Variants in E2F5 observed in about 807,000 individuals in gnomAD.
E2F5 encodes E2F transcription factor 5.
Under a neutral mutation model 39.1 loss-of-function variants are expected in E2F5, and 23 were observed. The ratio of observed to expected loss-of-function variants is 0.59; its 90% confidence interval spans 0.42 to 0.83. E2F5 has a LOEUF of 0.83. E2F5 is among the 40% of genes least tolerant of loss of function. The probability of loss-of-function intolerance (pLI) is 0.00; values close to 1 mark genes in which losing one functional copy is unlikely to be tolerated. For missense variants in E2F5, 365 were observed against 406.7 expected (o/e 0.90, Z 0.88); for synonymous variants, 145 against 157.8 (o/e 0.92, Z 0.61).
At chr8:85,202,093 T>C (rs1247134614) in intron 1 of E2F5, 54 bp from the exon 2 acceptor site, 27 of 1,470,916 alleles carry the variant, frequency 1.8e-5, no homozygotes, top group Non-Finnish European at 2.4e-5. Flanking sequence ...CCTTTTTGGC[T>C]TTAAAATATG....
intron 1 of E2F5, among the ~76,000 whole-genome samples, chr8:85,193,239 C>T (rs1812505665): frequency 1.3e-5 from 2 of 152,042 alleles, no homozygotes; most frequent in Admixed American, 1.3e-4. Context: ...ACTCCCAGCA[C>T]TTTGGGAGGC....
At chr8:85,212,130 A>G (rs1315946101) in intron 6 of E2F5, 27 bp from the exon 7 acceptor site, 1 of 1,578,352 alleles carries the variant, frequency 6.3e-7, no homozygotes, top group African/African-American at 1.4e-5. Context: ...TAACAGAAAT[A>G]TAACAAAACT....
chr8:85,205,955 T>C (rs1219102768), intron 3 of E2F5, among the ~76,000 whole-genome samples: 2 of 152,088 alleles, frequency 1.3e-5, no homozygotes, highest in African/African-American at 4.8e-5. Flanking sequence ...CTCCTAAGGG[T>C]CCTCAAATGT....
At chr8:85,182,723 T>C (rs1281273692) in intron 1 of E2F5, among the ~76,000 whole-genome samples, 2 of 152,254 alleles carry the variant, frequency 1.3e-5, no homozygotes, top group African/African-American at 4.8e-5. Context: ...TCCTATTAAA[T>C]GTAAGTTATA....
chr8:85,182,156 C>T (rs1254523071), intron 1 of E2F5, among the ~76,000 whole-genome samples: 1 of 152,104 alleles, frequency 6.6e-6, no homozygotes, highest in African/African-American at 2.4e-5. Context: ...TTTCTTTATT[C>T]CAGTGAGATA....
chr8:85,213,688 TTGTTA>T, intron 7 of E2F5, 60 bp from the exon 8 acceptor site: 1 of 812,944 alleles, frequency 1.2e-6, no homozygotes, highest in Non-Finnish European at 2.1e-6. Flanking sequence ...TGAGAGTATT[TTGTTA>T]AAGATCATTA....
intron 1 of E2F5, among the ~76,000 whole-genome samples, chr8:85,198,274 G>T (rs910850102): frequency 2.6e-5 from 4 of 151,648 alleles, no homozygotes; most frequent in African/African-American, 7.3e-5. Flanking sequence ...CATTGTTAAT[G>T]ATTCCTCTTT....
At chr8:85,179,882 G>A (rs910443049) in intron 1 of E2F5, among the ~76,000 whole-genome samples, 1 of 152,122 alleles carries the variant, frequency 6.6e-6, no homozygotes, top group East Asian at 1.9e-4. Flanking sequence ...GGATGGTCTC[G>A]ATCTCCTGAC....
chr8:85,203,978 A>G (rs532069948), intron 3 of E2F5, among the ~76,000 whole-genome samples: 1 of 151,960 alleles, frequency 6.6e-6, no homozygotes, highest in South Asian at 2.1e-4. Context: ...TCTTAAAGAA[A>G]CTAACCACAT....
Position 85,187,205 on chromosome 8 carries a change from A to G in E2F5, c.234+9551A>G, listed in dbSNP as rs11998639. On this transcript the variant is annotated intron_variant, in intron 1 of 7. Coordinates refer to ENST00000416274, the MANE Select transcript of E2F5 (RefSeq NM_001951.4). ...TTATCTCAGTCTTCTAGAATTTGTT[A>G]TGATTTGTTTTTTGGCCTCATATAT... Among the ~76,000 whole-genome samples, 784 of 152,170 alleles carry G rather than the reference A, an allele frequency of 5.2e-3. 9 individuals carry two copies. The highest frequency in any genetic ancestry group is 0.018 in the African/African-American group (742 of 41,530).
At chr8:85,187,693 C>T (rs1240737370) in intron 1 of E2F5, 1 of 152,136 alleles carries the variant, frequency 6.6e-6, no homozygotes, top group Non-Finnish European at 1.5e-5. Flanking sequence ...TGAAGCAAGC[C>T]TCTTATAGGC....
chr8:85,188,684 G>A (rs532695363), intron 1 of E2F5, among the ~76,000 whole-genome samples: 1 of 152,156 alleles, frequency 6.6e-6, no homozygotes, highest in Non-Finnish European at 1.5e-5. Context: ...TGAAGCCTCG[G>A]GTTATGTGAT....
At chr8:85,180,296 C>T (rs928107879) in intron 1 of E2F5, among the ~76,000 whole-genome samples, 4 of 151,852 alleles carry the variant, frequency 2.6e-5, no homozygotes, top group East Asian at 1.9e-4. Flanking sequence ...GCTGGGATTA[C>T]AGGCGTGAGC....
chr8:85,211,959 G>A (rs1812934200), intron 6 of E2F5, among the ~76,000 whole-genome samples, 198 bp from the exon 7 acceptor site: 1 of 151,954 alleles, frequency 6.6e-6, no homozygotes, highest in Non-Finnish European at 1.5e-5. Context: ...GAGTCTTTTG[G>A]TCTTCGTCTG....
intron 1 of E2F5, among the ~76,000 whole-genome samples, chr8:85,185,857 C>T (rs943201337): frequency 2.0e-5 from 3 of 152,166 alleles, no homozygotes; most frequent in African/African-American, 7.2e-5. Flanking sequence ...AGTCAGGAAA[C>T]AACAGATGTT....
intron 1 of E2F5, among the ~76,000 whole-genome samples, chr8:85,185,619 C>T (rs1394321740): frequency 6.6e-6 from 1 of 152,140 alleles, no homozygotes; most frequent in Non-Finnish European, 1.5e-5. Context: ...ACCCATCTGA[C>T]AAAGAGTTCA....
chr8:85,194,956 C>T (rs1056982221), intron 1 of E2F5, among the ~76,000 whole-genome samples: 1 of 152,050 alleles, frequency 6.6e-6, no homozygotes, highest in Non-Finnish European at 1.5e-5. Context: ...CTCACAGCAA[C>T]AATATCTTCA....
intron 1 of E2F5, among the ~76,000 whole-genome samples, chr8:85,199,367 T>C (rs188419850): frequency 6.0e-4 from 91 of 152,250 alleles, no homozygotes; most frequent in African/African-American, 2.2e-3. Flanking sequence ...AAATCCTATT[T>C]GATATAGCAC....
Position 85,206,158 on chromosome 8 carries a change from T to G in E2F5, c.507-19T>G, listed in dbSNP as rs1246885371. The G allele has an allele frequency of 1.2e-6, 2 of 1,611,768 alleles. No individual in the cohort carries two copies. Among genetic ancestry groups the G allele is most frequent in the East Asian group, 4.5e-5 (2 of 44,852 alleles). On this transcript the variant is annotated intron_variant, in intron 3 of 7. Transcript: ENST00000416274. ...TACGGCTTGATATAAATGTCGTTCC[T>G]TAACTCCTATGACAGTACATTTTCC...
Sources: gnomAD v4.1 joint callset for allele counts (sites outside exome capture counted in the v4.1 genomes callset) on GRCh38, gnomAD v4.1.1 for gene constraint, MANE v1.5 for transcripts, NCBI Gene and HGNC (gene_info 2026-07-23, HGNC 2026-07-21) for gene names.